Variants in RAD23B observed in about 807,000 individuals in gnomAD.
The protein encoded by RAD23B is RAD23 nucleotide excision repair protein B, also known as lysine-specific demethylase RAD23B.
A neutral mutation model predicts 49.1 loss-of-function variants in RAD23B; 5 were observed. The observed-to-expected ratio is 0.10, with a 90% CI of 0.05 to 0.21. The LOEUF (loss-of-function observed/expected upper bound fraction) is 0.21, where lower values mean the gene tolerates loss of function less well. Ranked by LOEUF, RAD23B falls within the 10% of genes least tolerant of loss-of-function variation. The pLI is 1.00. For synonymous variants in RAD23B, 184 were observed against 165.4 expected (o/e 1.11, Z -0.86); for missense variants, 356 against 486.7 (o/e 0.73, Z 2.53).
intron 6 of RAD23B, among the ~76,000 whole-genome samples, chr9:107,320,693 C>T (rs1221326978): frequency 6.6e-6 from 1 of 152,134 alleles, no homozygotes; most frequent in Non-Finnish European, 1.5e-5. Context: ...AGAGGTCGAT[C>T]TATAGCAATA....
At chr9:107,304,876 T>A (rs1826728599) in intron 3 of RAD23B, among the ~76,000 whole-genome samples, 1 of 152,170 alleles carries the variant, frequency 6.6e-6, no homozygotes, top group African/African-American at 2.4e-5. Context: ...GCCCAAAACT[T>A]ACCTACTAAT....
In RAD23B at chr9:107,318,722, C is replaced by T; in HGVS notation, c.554-30C>T. ...GAGAATGCTTATTTATTAAATGTTC[C>T]TTTTTTTCCCCTCCACCCTCCCTTT... On this transcript the variant is annotated intron_variant, in intron 5 of 9. Coordinates refer to ENST00000358015, the MANE Select transcript of RAD23B (RefSeq NM_002874.5). This position sits in a 1 kb window ranked among gnomAD's most constrained non-coding sequence, Gnocchi z 4.3. 1 of 1,582,046 alleles carries T rather than the reference C, an allele frequency of 6.3e-7. No homozygotes were observed. Among genetic ancestry groups the T allele is most frequent in the Non-Finnish European group, 8.6e-7 (1 of 1,157,994 alleles).
At chr9:107,309,449 T>G (rs906758277) in intron 4 of RAD23B, among the ~76,000 whole-genome samples, 1 of 152,202 alleles carries the variant, frequency 6.6e-6, no homozygotes, top group South Asian at 2.1e-4. Context: ...AACAACATTG[T>G]TCATTTTCTG....
intron 2 of RAD23B, among the ~76,000 whole-genome samples, chr9:107,301,357 G>C (rs1303062543): frequency 6.6e-6 from 1 of 152,130 alleles, no homozygotes; most frequent in African/African-American, 2.4e-5. Flanking sequence ...TTATTTTCCA[G>C]AGGACCCCTG....
chr9:107,322,007 C>A lies in RAD23B; in HGVS notation c.706C>A (p.Gln236Lys), dbSNP rs1160326564. Residue 236 changes from glutamine (Q) to lysine (K), a missense_variant, in exon 7 of 10, where the codon CAG (glutamine) becomes AAG (lysine). By Grantham distance (53) the Gln-to-Lys change is moderately conservative. Transcript: ENST00000358015. ...LMGIPGDRES[Q>K]AVVDPPQAAS... The stretch of plus-strand genomic sequence containing the variant: ...GGGAATCCCTGGAGATAGAGAAAGT[C>A]AGGCTGTGGTTGACCCCCCTCAAGC... The A allele has an allele frequency of 6.2e-7, 1 of 1,611,154 alleles. No individual in the cohort carries two copies. The highest frequency in any genetic ancestry group is 1.7e-5 in the Admixed American group (1 of 59,150).
At chr9:107,317,895 C>G (rs1009087648) in intron 5 of RAD23B, among the ~76,000 whole-genome samples, 1 of 152,056 alleles carries the variant, frequency 6.6e-6, no homozygotes, top group African/African-American at 2.4e-5. Context: ...TTTTAACTTT[C>G]TAGCTCCTAA....
intron 6 of RAD23B, among the ~76,000 whole-genome samples, chr9:107,321,700 T>C (rs1032811032): frequency 2.0e-5 from 3 of 152,220 alleles, no homozygotes; most frequent in African/African-American, 4.8e-5. Flanking sequence ...AGGTGTCTTA[T>C]TGAACAACAC....
chr9:107,316,015 A>G (rs1044518601), intron 5 of RAD23B, among the ~76,000 whole-genome samples: 8 of 143,700 alleles, frequency 5.6e-5, no homozygotes, highest in South Asian at 4.4e-4. Flanking sequence ...ACTTTTACGA[A>G]TTTTTTTTTT....
chr9:107,323,955 A>T lies in RAD23B; in HGVS notation c.883A>T (p.Asn295Tyr). 1 of 1,612,868 alleles carries T rather than the reference A, an allele frequency of 6.2e-7. No individual in the cohort carries two copies. The highest frequency in any genetic ancestry group is 1.1e-5 in the South Asian group (1 of 91,044). Reference protein sequence around the residue: ...FQQMRQIIQQNPSLLPALLQQ... With the variant: ...FQQMRQIIQQYPSLLPALLQQ... Reference sequence around the variant, plus strand: ...ACAGATGAGACAAATTATTCAGCAGAATCCTTCCTTGCTTCCAGCGTTACT... The same window carrying T: ...ACAGATGAGACAAATTATTCAGCAGTATCCTTCCTTGCTTCCAGCGTTACT... Residue 295 changes from asparagine to tyrosine, a missense_variant, in exon 8 of 10, where the codon AAT (asparagine) becomes TAT (tyrosine). Physicochemically the swap from Asn to Tyr is moderately radical, Grantham distance 143. Transcript: ENST00000358015.
In RAD23B at chr9:107,329,651, G is replaced by A; in HGVS notation, c.1225G>A (p.Asp409Asn). 1.2e-6 allele frequency: 2 copies of A among 1,601,776 alleles called. No homozygotes were observed. The highest frequency in any genetic ancestry group is 1.7e-6 in the Non-Finnish European group (2 of 1,169,174). The change falls in exon 10 of 10, where the codon GAT becomes AAT. Residue 409 changes from aspartate (D) to asparagine (N), a missense_variant. Asp to Asn is a conservative substitution (Grantham distance 23). Around this residue, in one of 5 missense-constraint regions of RAD23B, gnomAD observed 8 missense variants for 47.2 expected, o/e 0.17. Coordinates refer to ENST00000358015, the MANE Select transcript of RAD23B (RefSeq NM_002874.5). ...NFLLQQNFDED is the reference protein window; with the variant it reads ...NFLLQQNFDEN ...TCTTCTACAGCAGAACTTTGATGAA[G>A]ATTGAAAGGGACTTTTTTATATCTC...
chr9:107,322,087 G>T lies in RAD23B; in HGVS notation c.786G>T (p.Thr262=), dbSNP rs768410562. 4 of 1,609,756 alleles carry T rather than the reference G, an allele frequency of 2.5e-6. No individual in the cohort carries two copies. The highest frequency in any genetic ancestry group is 3.4e-6 in the Non-Finnish European group (4 of 1,177,844). ...SSAVAAAAAT[T]TATTTTTSSG... The stretch of plus-strand genomic sequence containing the variant: ...CAGTGGCTGCAGCTGCAGCAACTAC[G>T]ACAGCAACAACTACAACAACAAGTT... Residue 262 remains threonine, a synonymous_variant, in exon 7 of 10, where the codon ACG becomes ACT. Transcript: ENST00000358015.
chr9:107,327,664 G>C (rs188169552), intron 9 of RAD23B, among the ~76,000 whole-genome samples: 27 of 152,130 alleles, frequency 1.8e-4, no homozygotes, highest in Admixed American at 3.3e-4. Context: ...TTCGTTTTGT[G>C]GCCTAACATG....
intron 5 of RAD23B, among the ~76,000 whole-genome samples, chr9:107,317,930 T>C (rs747335201): frequency 1.4e-4 from 21 of 152,152 alleles, no homozygotes; most frequent in Non-Finnish European, 2.1e-4. Flanking sequence ...GTTTCAGTTA[T>C]ATAAGGTATC....
At chr9:107,312,516 C>T (rs1826908533) in intron 5 of RAD23B, among the ~76,000 whole-genome samples, 1 of 152,160 alleles carries the variant, frequency 6.6e-6, no homozygotes, top group Non-Finnish European at 1.5e-5. Flanking sequence ...GACTGGAACT[C>T]CGTGATGCCC....
intron 1 of RAD23B, among the ~76,000 whole-genome samples, chr9:107,288,148 C>A (rs528066889): frequency 6.6e-6 from 1 of 152,066 alleles, no homozygotes; most frequent in Non-Finnish European, 1.5e-5. Flanking sequence ...GTTTTGATGC[C>A]GTGCACACAG....
At chr9:107,286,468 G>A (rs748068724) in intron 1 of RAD23B, among the ~76,000 whole-genome samples, 3 of 152,148 alleles carry the variant, frequency 2.0e-5, no homozygotes, top group Non-Finnish European at 4.4e-5. Flanking sequence ...GACTTATTAG[G>A]CATTTTGTAC....
intron 4 of RAD23B, among the ~76,000 whole-genome samples, chr9:107,307,315 C>CT (rs1826799707): frequency 6.6e-6 from 1 of 152,206 alleles, no homozygotes; most frequent in Non-Finnish European, 1.5e-5. Flanking sequence ...TAAGTGGCTG[C>CT]TTAGGCAGTT....
intron 6 of RAD23B, among the ~76,000 whole-genome samples, chr9:107,319,439 A>G (rs1827066196): frequency 6.6e-6 from 1 of 152,090 alleles, no homozygotes; most frequent in African/African-American, 2.4e-5. Context: ...CAAAATTTCA[A>G]GCTTGAGAAT....
intron 1 of RAD23B, among the ~76,000 whole-genome samples, chr9:107,296,756 A>T (rs952954946): frequency 3.3e-5 from 5 of 150,676 alleles, no homozygotes; most frequent in African/African-American, 2.4e-5. Flanking sequence ...GCTGGCCTTG[A>T]GCTCCTGGCC....
Sources: gnomAD v4.1 joint callset for allele counts (sites outside exome capture counted in the v4.1 genomes callset) on GRCh38, gnomAD v4.1.1 for gene constraint, gnomAD v4.1.1 regional missense constraint, Gnocchi (gnomAD v3.1) non-coding constraint, MANE v1.5 for transcripts, NCBI Gene and HGNC (gene_info 2026-07-23, HGNC 2026-07-21) for gene names.